Variants in KNTC1 observed in about 807,000 individuals in gnomAD.
The protein encoded by KNTC1 is kinetochore-associated protein 1.
Under a neutral mutation model 314.4 loss-of-function variants are expected in KNTC1, and 253 were observed. The ratio of observed to expected loss-of-function variants is 0.80; its 90% confidence interval spans 0.73 to 0.89. KNTC1 has a LOEUF of 0.89. Ranked by LOEUF, KNTC1 falls within the 40% of genes least tolerant of loss-of-function variation. KNTC1 has a pLI of 0.00. For missense variants in KNTC1, 2,475 were observed against 2,572.9 expected, an observed-to-expected ratio of 0.96 and a Z score of 0.82; for synonymous variants, 901 against 901.4, an observed-to-expected ratio of 1.00 and a Z score of 0.01.
rs559203537 is a variant in KNTC1, at chr12:122,622,707, G to A, written c.6515+100G>A. Reference sequence around the variant, plus strand: ...CTCACGACTGTAATCCTAGCACTTTGGGAAGCTGAGGTGGGTGGATCACCT... The same window carrying A: ...CTCACGACTGTAATCCTAGCACTTTAGGAAGCTGAGGTGGGTGGATCACCT... On this transcript the variant is annotated intron_variant, in intron 62 of 63. Coordinates refer to ENST00000333479, the MANE Select transcript of KNTC1 (RefSeq NM_014708.6). 4.8e-5 allele frequency: 46 copies of A among 963,520 alleles called. No homozygotes were observed. In the South Asian group the frequency reaches 8.3e-4, roughly 17 times the overall value. 59.7% of individuals were successfully genotyped at this position (963,520 alleles called of 1,614,324 possible). A position where few individuals can be genotyped will look rare whatever the true frequency, so the allele number is the denominator to read the frequency against.
rs545736255 is a variant in KNTC1 at position 122,531,878 on chromosome 12, C to T, written c.129+1686C>T. 4.0e-5 allele frequency among the ~76,000 whole-genome samples: 6 copies of T among 151,820 alleles called. No homozygotes were observed. In the East Asian group the frequency reaches 7.8e-4, roughly 20 times the overall value. On this transcript the variant is annotated intron_variant, in intron 2 of 63. Coordinates refer to ENST00000333479, the MANE Select transcript of KNTC1 (RefSeq NM_014708.6). ...CCTCTCAAGTAGCTGGGACTACAGG[C>T]GCCCGCCACTATGCCCAGCTAATTT...
intron 53 of KNTC1, 157 bp downstream of exon 53, chr12:122,611,057 T>C: frequency 3.2e-6 from 2 of 631,530 alleles, no homozygotes; most frequent in Non-Finnish European, 5.6e-6. Flanking sequence ...GCAAGCATTG[T>C]CTTGCACCAT....
intron 18 of KNTC1, among the ~76,000 whole-genome samples, chr12:122,560,188 TTC>T (rs1169252013): frequency 2.6e-5 from 4 of 152,268 alleles, no homozygotes. Context: ...ATGACAGAAT[TTC>T]TTTCTTTTTT....
chr12:122,538,569 T>C (rs1374643085), intron 4 of KNTC1, 115 bp downstream of exon 4: 6 of 614,574 alleles, frequency 9.8e-6, no homozygotes, highest in Non-Finnish European at 1.6e-5. Flanking sequence ...GCAATGTTTT[T>C]TTGAACAATT....
At chr12:122,545,117 C>T (rs1962658089) in intron 8 of KNTC1, among the ~76,000 whole-genome samples, 1 of 152,210 alleles carries the variant, frequency 6.6e-6, no homozygotes, top group African/African-American at 2.4e-5. Context: ...TGGTATGTCA[C>T]TTCCAGTAAC....
intron 36 of KNTC1, 136 bp from the exon 37 acceptor site, chr12:122,585,500 C>T: frequency 2.2e-6 from 2 of 913,820 alleles, no homozygotes; most frequent in Non-Finnish European, 3.3e-6. Flanking sequence ...ATTGGGCCTC[C>T]AGCAAGGCCT....
In KNTC1 at chr12:122,539,695, A is replaced by T. The variant is rs919548559; in HGVS notation, c.386A>T (p.Asn129Ile). The change falls in exon 5 of 64, where the codon AAC becomes ATC. Residue 129 changes from asparagine (N) to isoleucine (I), a missense_variant. Transcript: ENST00000333479. ...LLTNAFVQKA[N>I]DENRRTYQNL... ...ATTTAGGCATTTGTTCAGAAAGCTA[A>T]CGATGAAAATCGGCGGACTTACCAG... is the stretch of plus-strand genomic sequence containing the variant. 6.3e-7 allele frequency: 1 copy of T among 1,578,790 alleles called. No individual in the cohort carries two copies. The highest frequency in any genetic ancestry group is 1.3e-5 in the African/African-American group (1 of 74,096).
chr12:122,577,580 T>C lies in KNTC1; in HGVS notation c.2722-92T>C, dbSNP rs1965112379. The C allele has an allele frequency of 5.7e-6, 7 of 1,237,256 alleles. No homozygotes were observed. The East Asian group carries it at 1.3e-4, about 23-fold the overall frequency. The allele number at this position is 1,237,256 out of a possible 1,614,324, so 76.6% of individuals were successfully genotyped here. On this transcript the variant is annotated intron_variant, in intron 30 of 63. Coordinates refer to ENST00000333479, the MANE Select transcript of KNTC1 (RefSeq NM_014708.6). ...ATAATCTGTTTTTCCAAATGATGTA[T>C]TTTCATCTTTAAATAGAAAAGAAAG...
At position 122,568,244 on chromosome 12, in the gene KNTC1, C is replaced by T. The variant is rs1200813751; in HGVS notation, c.1605-17C>T. Reference sequence around the variant, plus strand: ...TTTTTTTTAAAACTGACTTTTTTCCCTTCTTTGTCTATTCAGTGGCAGTTC... The same window carrying T: ...TTTTTTTTAAAACTGACTTTTTTCCTTTCTTTGTCTATTCAGTGGCAGTTC... On this transcript the variant is annotated splice_polypyrimidine_tract_variant and intron_variant, in intron 20 of 63. Coordinates refer to ENST00000333479, the MANE Select transcript of KNTC1 (RefSeq NM_014708.6). 3 of 1,244,916 alleles carry T rather than the reference C, an allele frequency of 2.4e-6. No homozygotes were observed. The highest frequency in any genetic ancestry group is 3.5e-6 in the Non-Finnish European group (3 of 866,660). The allele number at this position is 1,244,916 out of a possible 1,614,324, so 77.1% of individuals were successfully genotyped here.
At chr12:122,583,791 A>T (rs986475996) in intron 34 of KNTC1, among the ~76,000 whole-genome samples, 1 of 151,540 alleles carries the variant, frequency 6.6e-6, no homozygotes, top group Non-Finnish European at 1.5e-5. Context: ...GTGCCATTGC[A>T]CTCCAGCCTG....
intron 7 of KNTC1, 29 bp downstream of exon 7, chr12:122,543,663 TA>T (rs35450849): frequency 6.4e-4 from 881 of 1,385,606 alleles, no homozygotes; most frequent in Non-Finnish European, 8.2e-4. Context: ...ATTGTCCTCT[TA>T]AAAAAATTAC....
intron 57 of KNTC1, among the ~76,000 whole-genome samples, chr12:122,616,872 C>T (rs1873821994): frequency 1.3e-5 from 2 of 152,142 alleles, no homozygotes; most frequent in Non-Finnish European, 2.9e-5. Flanking sequence ...AAATTCATAT[C>T]CATTAGCAAT....
At chr12:122,542,555 T>G (rs1433700273) in intron 6 of KNTC1, among the ~76,000 whole-genome samples, 1 of 152,122 alleles carries the variant, frequency 6.6e-6, no homozygotes, top group Non-Finnish European at 1.5e-5. Context: ...CACCTGAGGT[T>G]GGGAGTGCAA....
At chr12:122,618,270 C>A in intron 57 of KNTC1, 73 bp from the exon 58 acceptor site, 1 of 1,367,858 alleles carries the variant, frequency 7.3e-7, no homozygotes, top group Non-Finnish European at 1.0e-6. Context: ...CCGCGCCTGG[C>A]CTAGACTGCA....
Position 122,613,688 on chromosome 12 carries a change from A to G in KNTC1, c.5804A>G (p.Tyr1935Cys), listed in dbSNP as rs757593737. Residue 1935 changes from tyrosine to cysteine, a missense_variant, in exon 55 of 64, where the codon TAT (tyrosine) becomes TGT (cysteine). Coordinates refer to ENST00000333479, the MANE Select transcript of KNTC1 (RefSeq NM_014708.6). The part of the protein sequence containing the change: ...SFETLNIPIT[Y>C]ELFCSSPKEG... ...GAGACTTTGAATATCCCCATCACAT[A>G]TGAATTATTTTGCAGCAGTCCTAAA... is the stretch of plus-strand genomic sequence containing the variant. The G allele has an allele frequency of 9.9e-6, 16 of 1,613,282 alleles. No individual in the cohort carries two copies. In the East Asian group the frequency reaches 1.1e-4, roughly 11 times the overall value.
chr12:122,589,678 C>G (rs1319077302), intron 40 of KNTC1, among the ~76,000 whole-genome samples: 1 of 151,420 alleles, frequency 6.6e-6, no homozygotes, highest in Non-Finnish European at 1.5e-5. Flanking sequence ...CACTGTGTTG[C>G]CCAGGCTGGT....
intron 44 of KNTC1, among the ~76,000 whole-genome samples, chr12:122,601,246 C>T (rs1176039687): frequency 1.3e-5 from 2 of 151,912 alleles, no homozygotes; most frequent in East Asian, 1.9e-4. Flanking sequence ...CCACGCCCAG[C>T]TAATTTTTTT....
chr12:122,575,495 A>T (rs1471673271), intron 27 of KNTC1, 48 bp from the exon 28 acceptor site: 1 of 1,290,028 alleles, frequency 7.8e-7, no homozygotes, highest in Non-Finnish European at 1.1e-6. Context: ...ACTTGCATGC[A>T]TCGTAAACCT....
At chr12:122,598,234 A>G (rs1871328591) in intron 44 of KNTC1, among the ~76,000 whole-genome samples, 1 of 152,118 alleles carries the variant, frequency 6.6e-6, no homozygotes, top group African/African-American at 2.4e-5. Flanking sequence ...TCCACTCCCT[A>G]GAGATGAAGA....
Sources: allele counts gnomAD v4.1 joint callset (sites outside exome capture counted in the v4.1 genomes callset), GRCh38; gene constraint gnomAD v4.1.1; transcripts MANE v1.5; gene names NCBI Gene and HGNC (gene_info 2026-07-23, HGNC 2026-07-21).